The following BRINP3 variants were observed in gnomAD, a reference collection of about 807,000 sequenced individuals.
The protein encoded by BRINP3 is BMP/retinoic acid inducible neural specific 3.
A neutral mutation model predicts 71.0 loss-of-function variants in BRINP3; 19 were observed. The ratio of observed to expected loss-of-function variants is 0.27; its 90% CI spans 0.19 to 0.39. The LOEUF (loss-of-function observed/expected upper bound fraction) is 0.39. Among genes scored for constraint, BRINP3 ranks in the 10% least tolerant of loss-of-function variants. The pLI is 1.00. For synonymous variants in BRINP3, 380 were observed against 337.7 expected, an observed-to-expected ratio of 1.13 and a Z score of -1.37; for missense variants, 959 against 940.8, an observed-to-expected ratio of 1.02 and a Z score of -0.25.
chr1:190,359,167 TA>T lies in BRINP3; in HGVS notation c.237-77418del, dbSNP rs1416423496. On this transcript the variant is annotated intron_variant, in intron 2 of 7. Transcript: ENST00000367462. ...CTAAAACTTAAAGTATAATAACAAA[TA>T]AAAAAATAAAAAATGATAAAAACAA... 5.3e-5 allele frequency among the ~76,000 whole-genome samples: 8 copies of T among 151,416 alleles called. No homozygotes were observed. The East Asian group carries it at 1.6e-3, about 29-fold the overall frequency.
At chr1:190,329,186 A>G (rs899499136) in intron 2 of BRINP3, among the ~76,000 whole-genome samples, 1 of 152,080 alleles carries the variant, frequency 6.6e-6, no homozygotes, top group African/African-American at 2.4e-5. Context: ...TAGTCAGGAA[A>G]GGGAAAATAA....
At chr1:190,408,865 G>A (rs912906976) in intron 2 of BRINP3, among the ~76,000 whole-genome samples, 3 of 152,122 alleles carry the variant, frequency 2.0e-5, no homozygotes, top group African/African-American at 7.2e-5. Flanking sequence ...TACTGGGGGA[G>A]GCCTGAAGAA....
chr1:190,260,926 A>C (rs944994735), intron 4 of BRINP3, among the ~76,000 whole-genome samples: 1 of 152,086 alleles, frequency 6.6e-6, no homozygotes, highest in East Asian at 1.9e-4. Context: ...TCTGAAAGCT[A>C]TCTGATTGTC....
chr1:190,385,685 G>C (rs1407865335), intron 2 of BRINP3, among the ~76,000 whole-genome samples: 3 of 152,014 alleles, frequency 2.0e-5, no homozygotes, highest in African/African-American at 7.2e-5. Flanking sequence ...ATTCCTCAGG[G>C]ATCTAGAACT....
At chr1:190,443,414 A>AAAAAG (rs1420941770) in intron 2 of BRINP3, among the ~76,000 whole-genome samples, 16 of 151,756 alleles carry the variant, frequency 1.1e-4, no homozygotes, top group South Asian at 2.1e-4. Context: ...CAAAAAAAAA[A>AAAAAG]AAAAGAAAAG....
rs985213265 is a variant in BRINP3, at chr1:190,245,444, A to G, written c.619-10967T>C. On this transcript the variant is annotated intron_variant, in intron 4 of 7. Coordinates refer to ENST00000367462, the MANE Select transcript of BRINP3 (RefSeq NM_199051.3). The stretch of plus-strand genomic sequence containing the variant: ...ATTAAAATTCTAAGTGCCAGGGGAA[A>G]AAAACAATAAACTGGCCCAAACTCT... Among the ~76,000 whole-genome samples the G allele has an allele frequency of 2.6e-5, 4 of 152,012 alleles. No homozygotes were observed. In the East Asian group the frequency reaches 7.7e-4, roughly 29 times the overall value.
intron 1 of BRINP3, among the ~76,000 whole-genome samples, chr1:190,463,991 G>A (rs931585204): frequency 5.9e-5 from 9 of 151,438 alleles, no homozygotes; most frequent in African/African-American, 2.2e-4. Flanking sequence ...ACAAGAGTAT[G>A]GATAAATAAT....
intron 1 of BRINP3, among the ~76,000 whole-genome samples, chr1:190,457,078 A>C (rs1676042527): frequency 6.6e-6 from 1 of 152,212 alleles, no homozygotes; most frequent in Non-Finnish European, 1.5e-5. Context: ...AAATTAGGAT[A>C]TATAACGTCA....
chr1:190,206,263 A>G (rs1043328796), intron 6 of BRINP3, among the ~76,000 whole-genome samples: 1 of 152,034 alleles, frequency 6.6e-6, no homozygotes, highest in African/African-American at 2.4e-5. Flanking sequence ...GGAACTCTTG[A>G]GATTCCAAGG....
intron 6 of BRINP3, among the ~76,000 whole-genome samples, chr1:190,190,730 T>TA (rs1254345398): frequency 6.6e-5 from 10 of 152,146 alleles, no homozygotes; most frequent in African/African-American, 2.4e-4. Flanking sequence ...ATAAAATACT[T>TA]ACTGTATTGG....
At chr1:190,418,209 G>A (rs188749624) in intron 2 of BRINP3, among the ~76,000 whole-genome samples, 201 of 152,004 alleles carry the variant, frequency 1.3e-3, no homozygotes, top group Non-Finnish European at 2.4e-3. Context: ...CCCCCACCAT[G>A]CCTGGCTAAT....
intron 2 of BRINP3, among the ~76,000 whole-genome samples, chr1:190,346,738 C>A (rs530087506): frequency 3.8e-4 from 58 of 152,182 alleles, no homozygotes; most frequent in African/African-American, 1.4e-3. Flanking sequence ...CTTTATCCTC[C>A]CTAACAGCGA....
chr1:190,132,435 A>T (rs1215239495), intron 7 of BRINP3, among the ~76,000 whole-genome samples: 16 of 152,080 alleles, frequency 1.1e-4, no homozygotes, highest in Admixed American at 1.0e-3. Flanking sequence ...GTTGTAGTAA[A>T]ACTCATTTCA....
chr1:190,141,263 G>C (rs1208349689), intron 7 of BRINP3, among the ~76,000 whole-genome samples: 2 of 151,790 alleles, frequency 1.3e-5, no homozygotes, highest in Non-Finnish European at 2.9e-5. Flanking sequence ...ATATTTTATA[G>C]ATGTTCTGCT....
At chr1:190,285,269 C>G (rs1272296883) in intron 2 of BRINP3, among the ~76,000 whole-genome samples, 1 of 152,040 alleles carries the variant, frequency 6.6e-6, no homozygotes, top group Non-Finnish European at 1.5e-5. Context: ...TTCCCGAATA[C>G]AAGATAAGAC....
At chr1:190,456,236 T>C (rs975858588) in intron 1 of BRINP3, among the ~76,000 whole-genome samples, 3 of 152,146 alleles carry the variant, frequency 2.0e-5, no homozygotes, top group Non-Finnish European at 1.5e-5. Context: ...AGAAATAATT[T>C]TGGGGCTCTG....
chr1:190,276,223 T>G (rs1482415124), intron 3 of BRINP3, among the ~76,000 whole-genome samples: 2 of 151,520 alleles, frequency 1.3e-5, no homozygotes, highest in African/African-American at 4.8e-5. Context: ...AATAAATTAT[T>G]TATGTGTGTG....
At chr1:190,343,945 A>G (rs561500415) in intron 2 of BRINP3, among the ~76,000 whole-genome samples, 2 of 151,896 alleles carry the variant, frequency 1.3e-5, no homozygotes, top group East Asian at 3.9e-4. Context: ...TACTGTCATA[A>G]TGTACTCATA....
chr1:190,260,127 A>T (rs1571548724), intron 4 of BRINP3, among the ~76,000 whole-genome samples: 1 of 151,742 alleles, frequency 6.6e-6, no homozygotes, highest in Non-Finnish European at 1.5e-5. Context: ...CTAGGATGGG[A>T]GAGGTGGTAG....
Sources: gnomAD v4.1 joint callset for allele counts (sites outside exome capture counted in the v4.1 genomes callset) on GRCh38, gnomAD v4.1.1 for gene constraint, MANE v1.5 for transcripts, NCBI Gene and HGNC (gene_info 2026-07-23, HGNC 2026-07-21) for gene names.